The following CYB5R4 variants were observed in gnomAD, a reference collection of about 807,000 sequenced individuals.
The protein encoded by CYB5R4 is cytochrome b5 reductase 4, also known as N-terminal cytochrome b5 and cytochrome b5 oxidoreductase domain-containing protein.
CYB5R4 carries 55 observed loss-of-function variants against 70.2 expected under a neutral mutation model. The ratio of observed to expected loss-of-function variants is 0.78; its 90% CI spans 0.63 to 0.98. The LOEUF (loss-of-function observed/expected upper bound fraction) is 0.98, where lower values mean the gene tolerates loss of function less well. Ranked by LOEUF, CYB5R4 falls within the 50% of genes least tolerant of loss-of-function variation. CYB5R4 has a pLI of 0.00. For missense variants in CYB5R4, 562 were observed against 612.6 expected (o/e 0.92, Z 0.87); for synonymous variants, 197 against 199.5 (o/e 0.99, Z 0.11).
At chr6:83,903,554 G>A (rs6454346) in intron 3 of CYB5R4, among the ~76,000 whole-genome samples, 23,824 of 151,864 alleles carry the variant, frequency 0.16, 3,684 homozygotes, top group African/African-American at 0.38. Context: ...AGAATAAATT[G>A]GGGCGAATTC....
In CYB5R4 at chr6:83,959,835, A is replaced by G. The variant is rs752653012; in HGVS notation, c.1523A>G (p.Asp508Gly). ...FTEQGVRLLH[D>G]LNFSKNEIHS... is the part of the protein sequence containing the mutation. ...TATTTGTTTTTCAGGTTGCTGCATG[A>G]TCTCAACTTTTCCAAAAATGAGATC... is the stretch of plus-strand genomic sequence containing the variant. Residue 508 changes from aspartate (D) to glycine (G), a missense_variant, in exon 16 of 16, where the codon GAT becomes GGT. Physicochemically the swap from Asp to Gly is moderately conservative, Grantham distance 94. Transcript: ENST00000369681. 3.9e-5 allele frequency: 62 copies of G among 1,601,124 alleles called. No homozygotes were observed. Among genetic ancestry groups the G allele is most frequent in the Non-Finnish European group, 4.4e-5 (52 of 1,174,298 alleles).
intron 2 of CYB5R4, among the ~76,000 whole-genome samples, chr6:83,885,394 A>G (rs1002403907): frequency 6.6e-6 from 1 of 152,196 alleles, no homozygotes; most frequent in African/African-American, 2.4e-5. Flanking sequence ...CCTAGACCAT[A>G]TTTTGAGACT....
In CYB5R4 at chr6:83,965,838, C is replaced by T. The variant is rs2099473968; in HGVS notation, c.*5960C>T. On this transcript the variant is annotated 3_prime_UTR_variant, in exon 16 of 16. Transcript: ENST00000369681. Reference sequence around the variant, plus strand: ...GGGGTGGTTTCCCCCATACTGTTCTCATGGTAGAGAATAAGTCTCATGAGA... The same window carrying T: ...GGGGTGGTTTCCCCCATACTGTTCTTATGGTAGAGAATAAGTCTCATGAGA... The T allele has an allele frequency of 6.6e-6, 1 of 152,126 alleles. No homozygotes were observed. The allele number at this position is 152,126 out of a possible 1,614,324, so 9.4% of individuals were successfully genotyped here.
Position 83,859,696 on chromosome 6 carries a change from G to T in CYB5R4, c.-87G>T, listed in dbSNP as rs1158919040. On this transcript the variant is annotated 5_prime_UTR_variant, in exon 1 of 16. Coordinates refer to ENST00000369681, the MANE Select transcript of CYB5R4 (RefSeq NM_016230.4). ...ACCCCGGAAGTGGGTCGGGGGCTTG[G>T]CCTCTGCCCGGCCACAGAGCCGGAG... is the stretch of plus-strand genomic sequence containing the variant. 1.1e-5 allele frequency: 16 copies of T among 1,461,894 alleles called. 1 individual carries two copies. In the South Asian group the frequency reaches 1.3e-4, roughly 12 times the overall value. 90.6% of individuals were successfully genotyped at this position (1,461,894 alleles called of 1,614,324 possible).
chr6:83,866,966 A>G (rs746496195), intron 2 of CYB5R4, among the ~76,000 whole-genome samples: 1 of 152,166 alleles, frequency 6.6e-6, no homozygotes, highest in East Asian at 1.9e-4. Flanking sequence ...TACTCTATCT[A>G]TAGTAAGATG....
intron 2 of CYB5R4, among the ~76,000 whole-genome samples, chr6:83,888,830 A>G (rs1168680721): frequency 1.3e-5 from 2 of 152,250 alleles, no homozygotes; most frequent in African/African-American, 4.8e-5. Flanking sequence ...AGTGCCACAC[A>G]GTTAGCTAAG....
chr6:83,891,743 A>G lies in CYB5R4; in HGVS notation c.230-1779A>G, dbSNP rs977910315. On this transcript the variant is annotated intron_variant, in intron 2 of 15. Coordinates refer to ENST00000369681, the MANE Select transcript of CYB5R4 (RefSeq NM_016230.4). Reference sequence around the variant, plus strand: ...TGATCCTAGCCCCTATCAGAAAGAAAGATAAGATTGTGACAGTATAAGGGT... The same window carrying G: ...TGATCCTAGCCCCTATCAGAAAGAAGGATAAGATTGTGACAGTATAAGGGT... Among the ~76,000 whole-genome samples, 4 of 152,344 alleles carry G rather than the reference A, an allele frequency of 2.6e-5. No homozygotes were observed. In the South Asian group the frequency reaches 6.2e-4, roughly 24 times the overall value.
At chr6:83,916,889 A>G (rs1310980760) in intron 5 of CYB5R4, among the ~76,000 whole-genome samples, 3 of 152,204 alleles carry the variant, frequency 2.0e-5, no homozygotes, top group South Asian at 4.1e-4. Context: ...TGGGCACCCA[A>G]GACTCAGCAG....
At chr6:83,907,642 C>T (rs904639222) in intron 3 of CYB5R4, among the ~76,000 whole-genome samples, 3 of 152,126 alleles carry the variant, frequency 2.0e-5, no homozygotes, top group African/African-American at 4.8e-5. Context: ...TCCCAACCTC[C>T]ACCCTCAAGT....
At chr6:83,910,223 C>G (rs2099464460) in intron 4 of CYB5R4, 1 of 1,299,372 alleles carries the variant, frequency 7.7e-7, no homozygotes, top group East Asian at 2.5e-5. Context: ...GGAAGTTCAA[C>G]TTTTGTAAAG....
chr6:83,894,505 T>C (rs948227480), intron 3 of CYB5R4, among the ~76,000 whole-genome samples: 13 of 152,156 alleles, frequency 8.5e-5, no homozygotes, highest in Admixed American at 7.2e-4. Context: ...TTGCCAGAAA[T>C]AGAATTTGTT....
chr6:83,869,795 C>T (rs2099457287), intron 2 of CYB5R4, among the ~76,000 whole-genome samples: 1 of 151,966 alleles, frequency 6.6e-6, no homozygotes, highest in African/African-American at 2.4e-5. Flanking sequence ...TGCACTCCAG[C>T]CTGGGCGACA....
chr6:83,963,240 ATAGGGGCCCTTGC>A lies in CYB5R4; in HGVS notation c.*3365_*3377del, dbSNP rs1355860448. On this transcript the variant is annotated 3_prime_UTR_variant, in exon 16 of 16. Coordinates refer to ENST00000369681, the MANE Select transcript of CYB5R4 (RefSeq NM_016230.4). ...GATAAGATGATTAGGTTTTGTCTAG[ATAGGGGCCCTTGC>A]TATGGGCCCTCAGTTTTTACCTTAA... is the stretch of plus-strand genomic sequence containing the variant. The A allele has an allele frequency of 6.6e-6, 1 of 152,200 alleles. No individual in the cohort carries two copies. Among genetic ancestry groups the A allele is most frequent in the Non-Finnish European group, 1.5e-5 (1 of 68,028 alleles). 9.4% of individuals were successfully genotyped at this position (152,200 alleles called of 1,614,324 possible).
Position 83,960,222 on chromosome 6 carries a change from ATCATGTT to A in CYB5R4, c.*347_*353del, listed in dbSNP as rs1430460854. On this transcript the variant is annotated 3_prime_UTR_variant, in exon 16 of 16. Transcript: ENST00000369681. ...CATGATAAAGTAAATGATCACTTCG[ATCATGTT>A]TCTATGCTGTAAAATGTCTTATTAG... The A allele has an allele frequency of 2.7e-5, 5 of 182,146 alleles. No individual in the cohort carries two copies. Among genetic ancestry groups the A allele is most frequent in the Non-Finnish European group, 5.7e-5 (5 of 88,350 alleles). The allele number at this position is 182,146 out of a possible 1,614,324, so 11.3% of individuals were successfully genotyped here.
At chr6:83,878,104 A>G (rs1189148906) in intron 2 of CYB5R4, among the ~76,000 whole-genome samples, 2 of 152,176 alleles carry the variant, frequency 1.3e-5, no homozygotes, top group African/African-American at 2.4e-5. Context: ...TAAGCCCATT[A>G]AAGAAATTCT....
intron 2 of CYB5R4, among the ~76,000 whole-genome samples, chr6:83,878,292 G>C (rs1236933731): frequency 6.6e-6 from 1 of 151,784 alleles, no homozygotes; most frequent in Non-Finnish European, 1.5e-5. Flanking sequence ...TTCTGGTTGT[G>C]TTGCTGTTTT....
At chr6:83,861,926 ACCC>A (rs2099456003) in intron 1 of CYB5R4, among the ~76,000 whole-genome samples, 1 of 152,214 alleles carries the variant, frequency 6.6e-6, no homozygotes, top group Admixed American at 6.5e-5. Flanking sequence ...TTGTCAATTA[ACCC>A]ACGGTAAAAT....
chr6:83,867,735 T>A (rs1464801245), intron 2 of CYB5R4, among the ~76,000 whole-genome samples: 18 of 152,220 alleles, frequency 1.2e-4, no homozygotes, highest in Non-Finnish European at 2.6e-4. Context: ...GTGGCCTGTA[T>A]GCACAGCATG....
At chr6:83,934,814 C>T (rs2099468667) in intron 11 of CYB5R4, 79 bp downstream of exon 11, 29 of 1,295,432 alleles carry the variant, frequency 2.2e-5, no homozygotes, top group Non-Finnish European at 3.0e-5. Flanking sequence ...CTCTAGAAAA[C>T]AACCATTTAA....
Sources: allele counts gnomAD v4.1 joint callset (sites outside exome capture counted in the v4.1 genomes callset), GRCh38; gene constraint gnomAD v4.1.1; transcripts MANE v1.5; gene names NCBI Gene and HGNC (gene_info 2026-07-23, HGNC 2026-07-21).